Variants in ERC1 observed in about 807,000 individuals in gnomAD.
ERC1 encodes ELKS/RAB6-interacting/CAST family member 1, also known as RAB6 interacting protein 2.
A neutral mutation model predicts 132.0 loss-of-function variants in ERC1; 56 were observed. The ratio of observed to expected loss-of-function variants is 0.42; its 90% CI spans 0.34 to 0.53. ERC1 has a LOEUF of 0.53. ERC1 is among the 20% of genes least tolerant of loss of function. ERC1 has a pLI of 0.03. For synonymous variants in ERC1, 478 were observed against 476.1 expected, an observed-to-expected ratio of 1.00 and a Z score of -0.05; for missense variants, 1,202 against 1,349.9, an observed-to-expected ratio of 0.89 and a Z score of 1.72.
Position 1,474,517 on chromosome 12 carries a change from G to A in ERC1, c.3214-15576G>A, listed in dbSNP as rs118184622. On this transcript the variant is annotated intron_variant, in intron 18 of 18. Transcript: ENST00000360905. ...TTTCTCTTTTACAAATTTATTTCACGGAGTTCTGGTAGCTCTCTCTAACAT... is the reference window on the plus strand; with the variant it reads ...TTTCTCTTTTACAAATTTATTTCACAGAGTTCTGGTAGCTCTCTCTAACAT... 6.9e-3 allele frequency among the ~76,000 whole-genome samples: 1,046 copies of A among 152,128 alleles called. 11 individuals carry two copies. Among genetic ancestry groups the A allele is most frequent in the African/African-American group, 0.022 (895 of 41,476 alleles).
At chr12:1,345,753 A>G (rs1263987973) in intron 15 of ERC1, among the ~76,000 whole-genome samples, 1 of 152,038 alleles carries the variant, frequency 6.6e-6, no homozygotes, top group African/African-American at 2.4e-5. Context: ...TAAATTCAGC[A>G]CTTAACACCT....
intron 8 of ERC1, among the ~76,000 whole-genome samples, chr12:1,161,382 C>T (rs569868260): frequency 2.5e-4 from 38 of 152,216 alleles, no homozygotes; most frequent in African/African-American, 8.7e-4. Context: ...TCCTTTCCAC[C>T]GTGTCATGCC....
intron 2 of ERC1, among the ~76,000 whole-genome samples, chr12:1,066,445 G>A (rs1335072159): frequency 1.3e-5 from 2 of 152,308 alleles, no homozygotes; most frequent in Non-Finnish European, 1.5e-5. Flanking sequence ...GGGACTGGAC[G>A]GTAGGGGGCA....
intron 12 of ERC1, among the ~76,000 whole-genome samples, chr12:1,199,061 C>T (rs112951647): frequency 0.042 from 3,988 of 95,816 alleles, 53 homozygotes; most frequent in Middle Eastern, 0.072. Context: ...GACAAACCAC[C>T]GTCATGACCC....
intron 2 of ERC1, among the ~76,000 whole-genome samples, chr12:1,037,693 A>ACAC (rs543032679): frequency 6.6e-5 from 10 of 152,130 alleles, no homozygotes; most frequent in Non-Finnish European, 1.5e-4. Flanking sequence ...CACTGGAAAA[A>ACAC]TGAGCACAAA....
At chr12:1,063,447 G>T (rs1938449682) in intron 2 of ERC1, among the ~76,000 whole-genome samples, 1 of 152,100 alleles carries the variant, frequency 6.6e-6, no homozygotes, top group Non-Finnish European at 1.5e-5. Context: ...TTTTAGTAGA[G>T]ACGGGGTTTT....
chr12:1,298,164 T>C (rs1379840301), intron 15 of ERC1, among the ~76,000 whole-genome samples: 1 of 152,194 alleles, frequency 6.6e-6, no homozygotes, highest in Non-Finnish European at 1.5e-5. Flanking sequence ...AGTAGTACAA[T>C]TTCTAATCTA....
intron 8 of ERC1, among the ~76,000 whole-genome samples, chr12:1,154,257 ATG>A (rs755405702): frequency 2.4e-4 from 33 of 137,672 alleles, no homozygotes; most frequent in Non-Finnish European, 4.1e-4. Context: ...GTATATGTAT[ATG>A]TGTATATATA....
chr12:1,450,054 C>T (rs903280596), intron 18 of ERC1, among the ~76,000 whole-genome samples: 2 of 152,106 alleles, frequency 1.3e-5, no homozygotes, highest in African/African-American at 4.8e-5. Flanking sequence ...TTTCCTTTGT[C>T]TCAAACTTTA....
chr12:1,193,963 T>TAAAC (rs1320370024), intron 12 of ERC1, among the ~76,000 whole-genome samples: 2 of 152,200 alleles, frequency 1.3e-5, no homozygotes, highest in South Asian at 4.2e-4. Context: ...AGTATACAAA[T>TAAAC]AAACAAACAA....
intron 15 of ERC1, among the ~76,000 whole-genome samples, chr12:1,331,965 G>T (rs2082898967): frequency 6.6e-6 from 1 of 152,132 alleles, no homozygotes; most frequent in Non-Finnish European, 1.5e-5. Flanking sequence ...AAGACTCCTG[G>T]ATTTCAGGAT....
At chr12:1,327,480 T>G (rs1454189805) in intron 15 of ERC1, among the ~76,000 whole-genome samples, 1 of 152,214 alleles carries the variant, frequency 6.6e-6, no homozygotes, top group East Asian at 1.9e-4. Flanking sequence ...TGTCTGCACA[T>G]GACAGTTGAT....
chr12:1,010,937 TAC>T (rs1964586902), intron 1 of ERC1, among the ~76,000 whole-genome samples: 1 of 152,222 alleles, frequency 6.6e-6, no homozygotes, highest in South Asian at 2.1e-4. Context: ...ATGCGTTATA[TAC>T]ACAGTGTGTA....
At chr12:1,140,925 G>A (rs547251197) in intron 7 of ERC1, among the ~76,000 whole-genome samples, 7 of 152,100 alleles carry the variant, frequency 4.6e-5, no homozygotes, top group South Asian at 2.1e-4. Context: ...AACAATTTTC[G>A]GCTTGAAAAT....
At chr12:1,405,509 G>T (rs1278439783) in intron 16 of ERC1, among the ~76,000 whole-genome samples, 5 of 151,974 alleles carry the variant, frequency 3.3e-5, no homozygotes, top group Admixed American at 6.6e-5. Context: ...TTCGAGACCA[G>T]CAAGGCCAAC....
At chr12:1,447,251 C>T (rs531806197) in intron 18 of ERC1, among the ~76,000 whole-genome samples, 1 of 152,228 alleles carries the variant, frequency 6.6e-6, no homozygotes, top group East Asian at 1.9e-4. Flanking sequence ...GGCACAGTGG[C>T]TCCCACCTGT....
At chr12:1,071,793 C>A (rs1391613276) in intron 2 of ERC1, among the ~76,000 whole-genome samples, 1 of 152,088 alleles carries the variant, frequency 6.6e-6, no homozygotes, top group African/African-American at 2.4e-5. Context: ...ATCCAAATAT[C>A]TTTCCCTTAA....
chr12:1,121,101 A>G (rs4130736), intron 7 of ERC1, among the ~76,000 whole-genome samples: 1,707 of 152,328 alleles, frequency 0.011, 28 homozygotes, highest in East Asian at 0.079. Context: ...TCATTTTCCC[A>G]GTTAATTCTT....
chr12:1,319,400 C>T (rs2081972229), intron 15 of ERC1, among the ~76,000 whole-genome samples: 1 of 152,176 alleles, frequency 6.6e-6, no homozygotes, highest in South Asian at 2.1e-4. Context: ...ACCCCCAAAG[C>T]ATGTGCCTGT....
Sources: allele counts gnomAD v4.1 joint callset (sites outside exome capture counted in the v4.1 genomes callset), GRCh38; gene constraint gnomAD v4.1.1; transcripts MANE v1.5; gene names NCBI Gene and HGNC (gene_info 2026-07-23, HGNC 2026-07-21).